RFX4: variants seen among roughly 807,000 people sequenced by gnomAD.
The protein encoded by RFX4 is regulatory factor X4.
In RFX4, 10 loss-of-function variants were observed where a neutral mutation model predicts 95.0. The ratio of observed to expected loss-of-function variants is 0.11; its 90% CI spans 0.06 to 0.18. The LOEUF (loss-of-function observed/expected upper bound fraction) is 0.18, where lower values mean the gene tolerates loss of function less well. RFX4 is among the 10% of genes least tolerant of loss of function. The probability of loss-of-function intolerance (pLI) is 1.00; values close to 1 mark genes in which losing one functional copy is unlikely to be tolerated. For synonymous variants in RFX4, 321 were observed against 340.7 expected (o/e 0.94, Z 0.64); for missense variants, 640 against 922.0 (o/e 0.69, Z 3.96).
At chr12:106,627,926 T>G (rs530627149) in intron 2 of RFX4, among the ~76,000 whole-genome samples, 2 of 152,286 alleles carry the variant, frequency 1.3e-5, no homozygotes, top group East Asian at 1.9e-4. Context: ...AGGGCAACAC[T>G]GAGAGTCCAG....
chr12:106,638,515 G>A (rs1451326714), intron 2 of RFX4, among the ~76,000 whole-genome samples: 1 of 152,056 alleles, frequency 6.6e-6, no homozygotes, highest in Non-Finnish European at 1.5e-5. Context: ...CCACATTAAG[G>A]CTCTGCTTCA....
intron 15 of RFX4, among the ~76,000 whole-genome samples, chr12:106,742,823 T>G (rs1363205042): frequency 6.6e-6 from 1 of 152,224 alleles, no homozygotes; most frequent in Non-Finnish European, 1.5e-5. Context: ...GTAATACTAC[T>G]TACCTCAAAA....
At chr12:106,700,606 C>T (rs2041969743) in intron 8 of RFX4, among the ~76,000 whole-genome samples, 1 of 151,248 alleles carries the variant, frequency 6.6e-6, no homozygotes, top group South Asian at 2.1e-4. Flanking sequence ...CGGGGTTTCA[C>T]CTTGTTAGCC....
intron 2 of RFX4, among the ~76,000 whole-genome samples, chr12:106,632,140 G>C (rs2040428068): frequency 6.6e-6 from 1 of 152,322 alleles, no homozygotes; most frequent in Admixed American, 6.5e-5. Flanking sequence ...TTTATGTCAG[G>C]AGGTAGATGC....
At chr12:106,643,495 G>C (rs916471600) in intron 3 of RFX4, among the ~76,000 whole-genome samples, 1 of 152,186 alleles carries the variant, frequency 6.6e-6, no homozygotes, top group Non-Finnish European at 1.5e-5. Context: ...GACCTCCTAC[G>C]TAAAGCTGCA....
intron 2 of RFX4, among the ~76,000 whole-genome samples, chr12:106,620,025 C>G (rs527647681): frequency 1.3e-5 from 2 of 152,158 alleles, no homozygotes; most frequent in African/African-American, 4.8e-5. Context: ...TCTATCTCCT[C>G]AAACATATTA....
chr12:106,704,334 T>C (rs973014360), intron 8 of RFX4, among the ~76,000 whole-genome samples: 1 of 152,216 alleles, frequency 6.6e-6, no homozygotes, highest in Non-Finnish European at 1.5e-5. Context: ...GTTACATAAT[T>C]ACTACTGCAA....
chr12:106,732,236 A>G lies in RFX4; in HGVS notation c.1458A>G (p.Gly486=). 6.2e-7 allele frequency: 1 copy of G among 1,613,950 alleles called. No individual in the cohort carries two copies. The highest frequency in any genetic ancestry group is 8.5e-7 in the Non-Finnish European group (1 of 1,179,880). The change falls in exon 14 of 18, where the codon GGA becomes GGG. Residue 486 remains glycine, a synonymous_variant. Coordinates refer to ENST00000392842, the MANE Select transcript of RFX4 (RefSeq NM_213594.3). ...RANELMRAMK[G]EGSTAEVREE... ...ATGAGCTCATGCGAGCCATGAAGGG[A>G]GAAGGAAGCACTGGTAAGCCAGCAT...
At chr12:106,649,345 C>T (rs570484270) in intron 3 of RFX4, among the ~76,000 whole-genome samples, 1 of 152,316 alleles carries the variant, frequency 6.6e-6, no homozygotes, top group African/African-American at 2.4e-5. Context: ...TATCAAGCAT[C>T]AAAGGGGCCC....
rs2043223557 is a variant in RFX4 at position 106,762,590 on chromosome 12, T to A, written c.*1121T>A. On this transcript the variant is annotated 3_prime_UTR_variant, in exon 18 of 18. Transcript: ENST00000392842. ...TAGGTTTTCTTTCTGTATTATAAAA[T>A]GCACCAAGCAATTATGGTGGACCTA... The A allele has an allele frequency of 6.6e-6, 1 of 152,506 alleles. No homozygotes were observed. The highest frequency in any genetic ancestry group is 2.4e-5 in the African/African-American group (1 of 41,406). The allele number at this position is 152,506 out of a possible 1,614,324, so 9.4% of individuals were successfully genotyped here.
intron 11 of RFX4, among the ~76,000 whole-genome samples, chr12:106,716,178 C>T (rs1489797048): frequency 6.6e-6 from 1 of 152,090 alleles, no homozygotes; most frequent in Non-Finnish European, 1.5e-5. Context: ...CCTGCTATTC[C>T]TCAGATGCCC....
intron 5 of RFX4, chr12:106,682,261 G>C (rs1238205714): frequency 5.2e-6 from 3 of 571,910 alleles, no homozygotes; most frequent in Admixed American, 3.1e-5. Flanking sequence ...AGACGAGTTG[G>C]CTCTGCTGCT....
chr12:106,727,268 G>A (rs541471886), intron 13 of RFX4, among the ~76,000 whole-genome samples: 3 of 152,220 alleles, frequency 2.0e-5, no homozygotes, highest in African/African-American at 7.2e-5. Flanking sequence ...AAAAGCATTT[G>A]ATACATTTCA....
intron 17 of RFX4, among the ~76,000 whole-genome samples, chr12:106,760,764 T>G (rs993662206): frequency 1.3e-5 from 2 of 151,658 alleles, no homozygotes; most frequent in Non-Finnish European, 2.9e-5. Flanking sequence ...GTTGACAGAC[T>G]AGGACCTATC....
At chr12:106,656,806 G>T (rs1010609654) in intron 4 of RFX4, among the ~76,000 whole-genome samples, 1 of 152,018 alleles carries the variant, frequency 6.6e-6, no homozygotes, top group Admixed American at 6.6e-5. Context: ...ACCCCAAATG[G>T]CATTTCAAAA....
intron 4 of RFX4, among the ~76,000 whole-genome samples, chr12:106,674,619 C>T (rs987916840): frequency 1.5e-4 from 23 of 151,452 alleles, no homozygotes; most frequent in African/African-American, 4.9e-4. Flanking sequence ...CATGAACCAC[C>T]GTGCCTGGCC....
chr12:106,747,825 G>A (rs2042923238), intron 16 of RFX4, among the ~76,000 whole-genome samples: 1 of 151,918 alleles, frequency 6.6e-6, no homozygotes, highest in Admixed American at 6.6e-5. Flanking sequence ...CTACTTGGGA[G>A]GCTGAGGTGG....
At chr12:106,589,060 T>C (rs1281072370) in intron 1 of RFX4, among the ~76,000 whole-genome samples, 1 of 152,176 alleles carries the variant, frequency 6.6e-6, no homozygotes, top group Non-Finnish European at 1.5e-5. Context: ...GCTGCCCCTC[T>C]GATGGCCATA....
intron 1 of RFX4, chr12:106,583,856 G>A (rs543622786): frequency 6.5e-6 from 1 of 152,868 alleles, no homozygotes; most frequent in East Asian, 1.9e-4. Context: ...GGTGGGGACC[G>A]AGGCTCCGGC....
Sources: gnomAD v4.1 joint callset for allele counts (sites outside exome capture counted in the v4.1 genomes callset) on GRCh38, gnomAD v4.1.1 for gene constraint, MANE v1.5 for transcripts, NCBI Gene and HGNC (gene_info 2026-07-23, HGNC 2026-07-21) for gene names.